The following FOXK2 variants were observed in gnomAD, a reference collection of about 807,000 sequenced individuals.
FOXK2 encodes the protein forkhead box K2.
In FOXK2, 24 loss-of-function variants were observed where a neutral mutation model predicts 53.3. The ratio of observed to expected loss-of-function variants is 0.45; its 90% CI spans 0.33 to 0.63. FOXK2 has a LOEUF of 0.63. FOXK2 is among the 30% of genes least tolerant of loss of function. FOXK2 has a pLI of 0.03. For synonymous variants in FOXK2, 505 were observed against 407.1 expected (o/e 1.24, Z -2.89); for missense variants, 952 against 910.5 (o/e 1.05, Z -0.59).
chr17:82,593,141 C>T (rs34319084), intron 8 of FOXK2, among the ~76,000 whole-genome samples: 1 of 129,776 alleles, frequency 7.7e-6, no homozygotes, highest in African/African-American at 3.0e-5. Context: ...GTGAAGGTCT[C>T]CCTGCACCGG....
chr17:82,539,579 G>A (rs1301939291), intron 1 of FOXK2, among the ~76,000 whole-genome samples: 2 of 152,036 alleles, frequency 1.3e-5, no homozygotes, highest in Non-Finnish European at 2.9e-5. Flanking sequence ...AACCCAGGAA[G>A]TCAAGGCTGT....
At chr17:82,574,810 T>C (rs1271615835) in intron 4 of FOXK2, among the ~76,000 whole-genome samples, 1 of 152,226 alleles carries the variant, frequency 6.6e-6, no homozygotes, top group African/African-American at 2.4e-5. Context: ...ATGGTATAGC[T>C]TTTTGGTCAA....
rs567232237 is a variant in FOXK2 at position 82,558,210 on chromosome 17, T to G, written c.420-5144T>G. On this transcript the variant is annotated intron_variant, in intron 1 of 8. Coordinates refer to ENST00000335255, the MANE Select transcript of FOXK2 (RefSeq NM_004514.4). ...TAAAAATTAGCTGAACATGGTGGCG[T>G]GTGCCTGTAGTCCTAGCTGCTCGAG... Among the ~76,000 whole-genome samples, 5 of 152,210 alleles carry G rather than the reference T, an allele frequency of 3.3e-5. No homozygotes were observed. In the East Asian group the frequency reaches 9.7e-4, roughly 30 times the overall value.
intron 4 of FOXK2, among the ~76,000 whole-genome samples, chr17:82,573,139 T>C (rs577370435): frequency 2.6e-5 from 4 of 151,924 alleles, no homozygotes; most frequent in Admixed American, 2.0e-4. Flanking sequence ...GTTACAGATA[T>C]CTGTGATCAC....
At chr17:82,552,597 G>A (rs1369282118) in intron 1 of FOXK2, among the ~76,000 whole-genome samples, 2 of 152,136 alleles carry the variant, frequency 1.3e-5, no homozygotes, top group Non-Finnish European at 2.9e-5. Flanking sequence ...TGATTTCGTC[G>A]AACGTCCCTC....
At position 82,519,843 on chromosome 17, in the gene FOXK2, C is replaced by T; in HGVS notation, c.-46C>T. ...CGCGCGGCCTGGGCCTCGGCCCGCGCCACCGGCGCCCGCGCGGAGCGGCCC... is the reference window on the plus strand; with the variant it reads ...CGCGCGGCCTGGGCCTCGGCCCGCGTCACCGGCGCCCGCGCGGAGCGGCCC... On this transcript the variant is annotated 5_prime_UTR_variant, in exon 1 of 9. Transcript: ENST00000335255. 2.2e-6 allele frequency: 2 copies of T among 890,262 alleles called. No individual in the cohort carries two copies. Among genetic ancestry groups the T allele is most frequent in the Non-Finnish European group, 2.7e-6 (2 of 747,340 alleles). 55.1% of individuals were successfully genotyped at this position (890,262 alleles called of 1,614,324 possible). A position where few individuals can be genotyped will look rare whatever the true frequency, so the allele number is the denominator to read the frequency against.
intron 1 of FOXK2, among the ~76,000 whole-genome samples, chr17:82,559,012 G>A (rs183283872): frequency 2.4e-4 from 36 of 152,234 alleles, no homozygotes; most frequent in Admixed American, 1.4e-3. Flanking sequence ...GTCTCCCAGA[G>A]TGCTGGAATT....
intron 2 of FOXK2, among the ~76,000 whole-genome samples, chr17:82,564,086 G>GTTT (rs35624921): frequency 2.5e-5 from 3 of 120,598 alleles, no homozygotes; most frequent in African/African-American, 6.5e-5. Context: ...TTTTAAAGTG[G>GTTT]TTTTTTTTTT....
Position 82,601,812 on chromosome 17 carries a change from G to A in FOXK2, c.*313G>A, listed in dbSNP as rs907434276. On this transcript the variant is annotated 3_prime_UTR_variant, in exon 9 of 9. Coordinates refer to ENST00000335255, the MANE Select transcript of FOXK2 (RefSeq NM_004514.4). ...GCTGTGTGAGGACGGCACGGCCAGC[G>A]CCTGCTGTGAGTGGGTCTCCCAAGA... is the stretch of plus-strand genomic sequence containing the variant. 19 of 264,924 alleles carry A rather than the reference G, an allele frequency of 7.2e-5. No individual in the cohort carries two copies. The highest frequency in any genetic ancestry group is 1.1e-4 in the African/African-American group (5 of 46,522). The allele number at this position is 264,924 out of a possible 1,614,324, so 16.4% of individuals were successfully genotyped here. A position where few individuals can be genotyped will look rare whatever the true frequency, so the allele number is the denominator to read the frequency against.
At chr17:82,584,701 C>A (rs2045112394) in intron 6 of FOXK2, among the ~76,000 whole-genome samples, 1 of 152,014 alleles carries the variant, frequency 6.6e-6, no homozygotes, top group Admixed American at 6.6e-5. Flanking sequence ...CACCACCACA[C>A]CCAGCTGCTA....
At chr17:82,538,115 T>G (rs2044538928) in intron 1 of FOXK2, among the ~76,000 whole-genome samples, 1 of 151,272 alleles carries the variant, frequency 6.6e-6, no homozygotes, top group East Asian at 1.9e-4. Context: ...CCCAGCTACT[T>G]GGGAGGCTGA....
At chr17:82,574,178 G>A (rs2044954750) in intron 4 of FOXK2, among the ~76,000 whole-genome samples, 1 of 152,214 alleles carries the variant, frequency 6.6e-6, no homozygotes. Context: ...CTGTCTAGAT[G>A]GAGGTCTGTA....
intron 4 of FOXK2, among the ~76,000 whole-genome samples, chr17:82,574,057 T>C (rs956889046): frequency 5.9e-5 from 9 of 152,362 alleles, no homozygotes; most frequent in African/African-American, 2.2e-4. Context: ...TGTCGTCTAT[T>C]GCAGGTGCCT....
intron 1 of FOXK2, among the ~76,000 whole-genome samples, chr17:82,530,929 G>A (rs2044467266): frequency 6.6e-6 from 1 of 152,220 alleles, no homozygotes; most frequent in African/African-American, 2.4e-5. Flanking sequence ...TTTCTGAGCT[G>A]TTGGAGGATG....
At chr17:82,596,087 T>C (rs1375274321) in intron 8 of FOXK2, 1 of 917,874 alleles carries the variant, frequency 1.1e-6, no homozygotes, top group Non-Finnish European at 1.4e-6. Context: ...TGTAGACACA[T>C]TAGAGTCGGT....
chr17:82,533,886 C>G (rs1046722787), intron 1 of FOXK2, among the ~76,000 whole-genome samples: 4 of 151,920 alleles, frequency 2.6e-5, no homozygotes, highest in Non-Finnish European at 5.9e-5. Context: ...GTAATCCCAG[C>G]TACTCGTGAG....
chr17:82,601,287 C>G lies in FOXK2; in HGVS notation c.1787-16C>G. ...ACGTGAGAGCGTGGGGTTCTGACTCCCTCGTGTCATTTCAGCCGCGGCGAG... is the reference window on the plus strand; with the variant it reads ...ACGTGAGAGCGTGGGGTTCTGACTCGCTCGTGTCATTTCAGCCGCGGCGAG... On this transcript the variant is annotated splice_polypyrimidine_tract_variant and intron_variant, in intron 8 of 8. Coordinates refer to ENST00000335255, the MANE Select transcript of FOXK2 (RefSeq NM_004514.4). 2 of 1,605,836 alleles carry G rather than the reference C, an allele frequency of 1.2e-6. No individual in the cohort carries two copies. The highest frequency in any genetic ancestry group is 1.7e-6 in the Non-Finnish European group (2 of 1,176,104).
Position 82,537,473 on chromosome 17 carries a change from T to G in FOXK2, c.419+17166T>G, listed in dbSNP as rs189879075. 1.5e-3 allele frequency among the ~76,000 whole-genome samples: 221 copies of G among 150,044 alleles called. 1 individual carries two copies. The highest frequency in any genetic ancestry group is 5.3e-3 in the African/African-American group (214 of 40,652). ...CCAGCCTGGCCAGCATACAAAAAAT[T>G]AACCGGGCATGGTGGTGTGTGCCTG... On this transcript the variant is annotated intron_variant, in intron 1 of 8. Coordinates refer to ENST00000335255, the MANE Select transcript of FOXK2 (RefSeq NM_004514.4).
intron 1 of FOXK2, among the ~76,000 whole-genome samples, chr17:82,525,200 T>C (rs1473715041): frequency 6.6e-6 from 1 of 151,958 alleles, no homozygotes; most frequent in African/African-American, 2.4e-5. Context: ...GATGGAATCT[T>C]GCTTTGTTGC....
Sources: gnomAD v4.1 joint callset for allele counts (sites outside exome capture counted in the v4.1 genomes callset) on GRCh38, gnomAD v4.1.1 for gene constraint, MANE v1.5 for transcripts, NCBI Gene and HGNC (gene_info 2026-07-23, HGNC 2026-07-21) for gene names.